CDH12: variants seen among roughly 807,000 people sequenced by gnomAD.
CDH12 encodes the protein cadherin-12.
A neutral mutation model predicts 74.1 loss-of-function variants in CDH12; 41 were observed. The ratio of observed to expected loss-of-function variants is 0.55; its 90% CI spans 0.43 to 0.72. CDH12 has a LOEUF of 0.72. CDH12 is among the 30% of genes least tolerant of loss of function. CDH12 has a pLI of 0.00. For missense variants in CDH12, 945 were observed against 977.2 expected (o/e 0.97, Z 0.44); for synonymous variants, 399 against 355.0 (o/e 1.12, Z -1.39).
chr5:22,425,893 T>C (rs1743911151), intron 2 of CDH12, among the ~76,000 whole-genome samples: 1 of 152,080 alleles, frequency 6.6e-6, no homozygotes, highest in Admixed American at 6.6e-5. Context: ...ACAAACATTC[T>C]AGAAAATCTC....
At chr5:21,971,463 G>C (rs1038126103) in intron 6 of CDH12, among the ~76,000 whole-genome samples, 6 of 152,058 alleles carry the variant, frequency 3.9e-5, no homozygotes, top group Non-Finnish European at 5.9e-5. Context: ...TTAGAAAATG[G>C]TAAGAATTAC....
At chr5:22,489,382 A>G (rs1022823525) in intron 2 of CDH12, among the ~76,000 whole-genome samples, 1 of 151,726 alleles carries the variant, frequency 6.6e-6, no homozygotes, top group African/African-American at 2.4e-5. Flanking sequence ...CTTTTCATGG[A>G]AAAAACTGCA....
At chr5:22,092,843 C>A (rs1401970892) in intron 4 of CDH12, among the ~76,000 whole-genome samples, 2 of 152,044 alleles carry the variant, frequency 1.3e-5, no homozygotes, top group African/African-American at 2.4e-5. Context: ...ACAGTGGAAA[C>A]AAATTACATA....
chr5:22,207,124 C>T (rs1362073080), intron 4 of CDH12, among the ~76,000 whole-genome samples: 1 of 146,364 alleles, frequency 6.8e-6, no homozygotes, highest in African/African-American at 2.5e-5. Context: ...GAGGCTAAGG[C>T]AGGAGAATGG....
intron 6 of CDH12, among the ~76,000 whole-genome samples, chr5:21,889,269 G>A (rs1752787072): frequency 6.6e-6 from 1 of 152,078 alleles, no homozygotes; most frequent in African/African-American, 2.4e-5. Context: ...ATAAAAAAGT[G>A]TAAGAGCTAT....
chr5:22,319,700 T>G (rs1434949430), intron 3 of CDH12, among the ~76,000 whole-genome samples: 2 of 152,214 alleles, frequency 1.3e-5, no homozygotes, highest in Non-Finnish European at 2.9e-5. Context: ...AGTAACATTT[T>G]TCTTTCATAT....
At chr5:21,782,152 A>G (rs1014677919) in intron 11 of CDH12, among the ~76,000 whole-genome samples, 10 of 152,216 alleles carry the variant, frequency 6.6e-5, no homozygotes, top group Non-Finnish European at 1.3e-4. Flanking sequence ...GTATGGTTGG[A>G]AGGCAGAGCT....
chr5:22,509,026 G>GA (rs1259408174), intron 1 of CDH12, among the ~76,000 whole-genome samples: 1 of 152,038 alleles, frequency 6.6e-6, no homozygotes, highest in Admixed American at 6.6e-5. Context: ...CCATAGGGGA[G>GA]AAAAAAATTA....
At chr5:22,060,257 G>A (rs181522457) in intron 5 of CDH12, among the ~76,000 whole-genome samples, 16 of 150,176 alleles carry the variant, frequency 1.1e-4, no homozygotes, top group Non-Finnish European at 2.4e-4. Context: ...TCATAAGTGG[G>A]AGATTAACAA....
At chr5:22,842,309 A>G (rs1737113717) in intron 1 of CDH12, among the ~76,000 whole-genome samples, 1 of 152,216 alleles carries the variant, frequency 6.6e-6, no homozygotes, top group Non-Finnish European at 1.5e-5. Flanking sequence ...AGACAGCTAA[A>G]AAAAAACTGT....
intron 6 of CDH12, chr5:21,882,947 G>A (rs1752436157): frequency 1.9e-6 from 3 of 1,600,390 alleles, no homozygotes; most frequent in Non-Finnish European, 2.6e-6. Context: ...CTACTGTACT[G>A]GCAGGCTCTA....
chr5:22,683,368 A>G (rs1741596067), intron 1 of CDH12, among the ~76,000 whole-genome samples: 1 of 152,326 alleles, frequency 6.6e-6, no homozygotes, highest in Admixed American at 6.5e-5. Context: ...GGGTTATTTC[A>G]GTCAATACTG....
intron 1 of CDH12, among the ~76,000 whole-genome samples, chr5:22,668,361 T>C (rs562047687): frequency 1.4e-4 from 21 of 152,320 alleles, no homozygotes; most frequent in African/African-American, 4.8e-4. Context: ...TTAAAAGGAA[T>C]TACTTTCTCT....
intron 4 of CDH12, among the ~76,000 whole-genome samples, chr5:22,145,020 A>G (rs1747065803): frequency 6.6e-6 from 1 of 152,120 alleles, no homozygotes; most frequent in Admixed American, 6.6e-5. Context: ...GTTGGACTCA[A>G]GCACAAGTAT....
intron 1 of CDH12, among the ~76,000 whole-genome samples, chr5:22,701,279 T>G (rs1308866922): frequency 2.0e-5 from 3 of 152,154 alleles, no homozygotes; most frequent in African/African-American, 7.2e-5. Context: ...TGCACCCTCA[T>G]TGATTTATAA....
intron 1 of CDH12, among the ~76,000 whole-genome samples, chr5:22,798,602 T>C (rs1018399065): frequency 6.6e-6 from 1 of 152,140 alleles, no homozygotes; most frequent in African/African-American, 2.4e-5. Flanking sequence ...AAATATCTGA[T>C]ACTAGCCCTA....
At chr5:21,840,322 TA>T (rs1222089103) in intron 8 of CDH12, among the ~76,000 whole-genome samples, 1 of 152,134 alleles carries the variant, frequency 6.6e-6, no homozygotes, top group Non-Finnish European at 1.5e-5. Flanking sequence ...GTTACTTTAA[TA>T]AAAATTGATA....
intron 1 of CDH12, among the ~76,000 whole-genome samples, chr5:22,564,920 T>G (rs955095380): frequency 6.6e-6 from 1 of 152,098 alleles, no homozygotes; most frequent in Non-Finnish European, 1.5e-5. Context: ...GATATACTGA[T>G]TACCTTTTTT....
At chr5:22,245,108 G>A (rs948747939) in intron 3 of CDH12, among the ~76,000 whole-genome samples, 3 of 152,176 alleles carry the variant, frequency 2.0e-5, no homozygotes, top group Non-Finnish European at 4.4e-5. Flanking sequence ...CAATTTCTAT[G>A]TAGGGCCTTA....
Sources: allele counts gnomAD v4.1 joint callset (sites outside exome capture counted in the v4.1 genomes callset), GRCh38; gene constraint gnomAD v4.1.1; transcripts MANE v1.5; gene names NCBI Gene and HGNC (gene_info 2026-07-23, HGNC 2026-07-21).